TRHDE: variants seen among roughly 807,000 people sequenced by gnomAD.
The protein encoded by TRHDE is thyrotropin releasing hormone degrading enzyme.
In TRHDE, 72 loss-of-function variants were observed where a neutral mutation model predicts 125.7. The observed-to-expected ratio is 0.57, with a 90% CI of 0.47 to 0.70. TRHDE has a LOEUF of 0.70. TRHDE is among the 30% of genes least tolerant of loss of function. The pLI is 0.00. For synonymous variants in TRHDE, 509 were observed against 509.1 expected, an observed-to-expected ratio of 1.00 and a Z score of 0.00; for missense variants, 1,110 against 1,327.1, an observed-to-expected ratio of 0.84 and a Z score of 2.54.
Position 72,272,833 on chromosome 12 carries a change from T to A in TRHDE, c.190T>A (p.Trp64Arg). 1 of 1,581,268 alleles carries A rather than the reference T, an allele frequency of 6.3e-7. No individual in the cohort carries two copies. The highest frequency in any genetic ancestry group is 1.8e-4 in the Middle Eastern group (1 of 5,426). The change falls in exon 1 of 19, where the codon TGG (tryptophan) becomes AGG (arginine). Residue 64 changes from tryptophan to arginine, a missense_variant. By Grantham distance (101) the Trp-to-Arg change is moderately radical. Around this residue, in one of 5 missense-constraint regions of TRHDE, gnomAD observed 248 missense variants for 240.8 expected, o/e 1.03. Coordinates refer to ENST00000261180, the MANE Select transcript of TRHDE (RefSeq NM_013381.3). The surrounding 1 kb of genome is among the most constrained non-coding windows in gnomAD (Gnocchi z 6.7). ...RAGSRGLSDP[W>R]ADSVGVRPRT... The stretch of plus-strand genomic sequence containing the variant: ...TGGCAGCAGGGGGCTCTCCGACCCG[T>A]GGGCAGACTCAGTGGGAGTGCGACC...
At chr12:72,526,024 T>G (rs574206869) in intron 6 of TRHDE, among the ~76,000 whole-genome samples, 7 of 152,260 alleles carry the variant, frequency 4.6e-5, no homozygotes, top group African/African-American at 1.7e-4. Flanking sequence ...TTTGTACATT[T>G]GAAAATTATT....
intron 3 of TRHDE, among the ~76,000 whole-genome samples, chr12:72,399,813 AAG>A (rs1872962452): frequency 6.6e-6 from 1 of 152,200 alleles, no homozygotes; most frequent in Non-Finnish European, 1.5e-5. Context: ...TTTTTAAAAA[AAG>A]AGTAAACTTT....
intron 2 of TRHDE, among the ~76,000 whole-genome samples, chr12:72,137,075 T>G (rs1876003170): frequency 6.6e-6 from 1 of 152,132 alleles, no homozygotes; most frequent in Admixed American, 6.5e-5. Flanking sequence ...CGGTGCCCTT[T>G]GAAAAGAATA....
chr12:72,243,688 C>G (rs1878523986), intron 2 of TRHDE, among the ~76,000 whole-genome samples: 1 of 152,096 alleles, frequency 6.6e-6, no homozygotes, highest in South Asian at 2.1e-4. Context: ...TGAGAATTCC[C>G]CCTTTTCTGG....
chr12:72,526,446 G>C (rs1868340010), intron 6 of TRHDE, among the ~76,000 whole-genome samples: 1 of 152,072 alleles, frequency 6.6e-6, no homozygotes, highest in Non-Finnish European at 1.5e-5. Flanking sequence ...TGGTTATTAA[G>C]CTCGTAATTG....
chr12:72,267,127 C>T (rs6421234), intron 2 of TRHDE, among the ~76,000 whole-genome samples: 66,498 of 151,814 alleles, frequency 0.44, 17,746 homozygotes, highest in African/African-American at 0.77. Context: ...ACTAGTTTAA[C>T]GGAAACATTT....
At chr12:72,194,122 A>G (rs1296758201) in intron 2 of TRHDE, among the ~76,000 whole-genome samples, 1 of 152,132 alleles carries the variant, frequency 6.6e-6, no homozygotes, top group Non-Finnish European at 1.5e-5. Flanking sequence ...CTAGCCATAC[A>G]TGTGATAGGA....
chr12:72,228,248 A>T (rs1878175805), intron 2 of TRHDE, among the ~76,000 whole-genome samples: 1 of 152,332 alleles, frequency 6.6e-6, no homozygotes, highest in East Asian at 1.9e-4. Flanking sequence ...ATTTCCATCC[A>T]GCCTCTGAAA....
intron 3 of TRHDE, among the ~76,000 whole-genome samples, chr12:72,408,428 G>A (rs1873355659): frequency 6.6e-6 from 1 of 152,054 alleles, no homozygotes; most frequent in African/African-American, 2.4e-5. Context: ...AATGTTTTTT[G>A]CAGAAAGGTA....
At chr12:72,534,766 A>G (rs1365538228) in intron 6 of TRHDE, among the ~76,000 whole-genome samples, 3 of 152,094 alleles carry the variant, frequency 2.0e-5, no homozygotes, top group African/African-American at 7.2e-5. Context: ...GGACTATACT[A>G]TGGTATGGGC....
intron 2 of TRHDE, among the ~76,000 whole-genome samples, chr12:72,158,034 G>A (rs1592463260): frequency 6.6e-6 from 1 of 152,238 alleles, no homozygotes; most frequent in East Asian, 1.9e-4. Flanking sequence ...TAGTGCTGGG[G>A]AGTCATATAG....
intron 12 of TRHDE, 105 bp downstream of exon 12, chr12:72,575,647 AT>A: frequency 9.5e-7 from 1 of 1,054,122 alleles, no homozygotes; most frequent in South Asian, 1.4e-5. Flanking sequence ...ATTTAAAAAA[AT>A]CTATTTCTAT....
intron 15 of TRHDE, among the ~76,000 whole-genome samples, chr12:72,623,792 G>A (rs1873150598): frequency 1.3e-5 from 2 of 152,022 alleles, no homozygotes; most frequent in Non-Finnish European, 2.9e-5. Context: ...ATTGCAGACA[G>A]AAGAAAGCCA....
At chr12:72,112,896 A>C (rs1259003590) in intron 2 of TRHDE, among the ~76,000 whole-genome samples, 1 of 152,200 alleles carries the variant, frequency 6.6e-6, no homozygotes, top group Non-Finnish European at 1.5e-5. Context: ...TCACAGGCCT[A>C]AGGTGAACCT....
chr12:72,622,547 G>A (rs770955878), intron 15 of TRHDE, among the ~76,000 whole-genome samples: 10 of 152,048 alleles, frequency 6.6e-5, no homozygotes, highest in Non-Finnish European at 1.0e-4. Context: ...AGGAAGAGAA[G>A]CTAGGGCTTG....
At chr12:72,368,634 C>G (rs1389820124) in intron 2 of TRHDE, among the ~76,000 whole-genome samples, 2 of 152,072 alleles carry the variant, frequency 1.3e-5, no homozygotes, top group African/African-American at 4.8e-5. Context: ...GAGCTTTTGT[C>G]TTTTGCTTAC....
intron 15 of TRHDE, among the ~76,000 whole-genome samples, chr12:72,634,081 C>G (rs1873613644): frequency 6.6e-6 from 1 of 152,122 alleles, no homozygotes; most frequent in South Asian, 2.1e-4. Context: ...ACACTAGGCC[C>G]TGTGCTAAGC....
chr12:72,469,841 G>A lies in TRHDE; in HGVS notation c.1399G>A (p.Asp467Asn), dbSNP rs1317320044. ...SIFVEQRILL[D>N]PSVSSISYLL... ...TTTTGTGGAACAAAGAATACTGCTG[G>A]ATCCCAGTGTTTCATCTATTTCTTA... The change falls in exon 4 of 19, where the codon GAT becomes AAT. Residue 467 changes from aspartate to asparagine, a missense_variant. Asp to Asn is a conservative substitution (Grantham distance 23, BLOSUM62 1). Coordinates refer to ENST00000261180, the MANE Select transcript of TRHDE (RefSeq NM_013381.3). 2 of 1,614,000 alleles carry A rather than the reference G, an allele frequency of 1.2e-6. No individual in the cohort carries two copies. Among genetic ancestry groups the A allele is most frequent in the Non-Finnish European group, 1.7e-6 (2 of 1,179,962 alleles).
intron 1 of TRHDE, among the ~76,000 whole-genome samples, chr12:72,281,910 A>C (rs561515895): frequency 6.6e-6 from 1 of 152,220 alleles, no homozygotes; most frequent in African/African-American, 2.4e-5. Flanking sequence ...CTTCAGAGGC[A>C]ACATGGAGCT....
Sources: allele counts gnomAD v4.1 joint callset (sites outside exome capture counted in the v4.1 genomes callset), GRCh38; gene constraint gnomAD v4.1.1; regional missense constraint gnomAD v4.1.1; non-coding constraint Gnocchi (gnomAD v3.1); transcripts MANE v1.5; gene names NCBI Gene and HGNC (gene_info 2026-07-23, HGNC 2026-07-21).